The following ROBO1 variants were observed in gnomAD, a reference collection of about 807,000 sequenced individuals.
ROBO1 encodes the protein roundabout homolog 1.
A neutral mutation model predicts 195.9 loss-of-function variants in ROBO1; 149 were observed. The ratio of observed to expected loss-of-function variants is 0.76; its 90% CI spans 0.67 to 0.87. ROBO1 has a LOEUF of 0.87. Ranked by LOEUF, ROBO1 falls within the 40% of genes least tolerant of loss-of-function variation. The pLI, the probability that ROBO1 is intolerant of heterozygous loss-of-function variation, is 0.00. For missense variants in ROBO1, 1,933 were observed against 2,068.3 expected (o/e 0.93, Z 1.27); for synonymous variants, 816 against 733.2 (o/e 1.11, Z -1.82).
rs1167482550 is a variant in ROBO1, at chr3:79,412,874, A to ATTTTTTT, written c.88+176943_88+176949dup. On this transcript the variant is annotated intron_variant, in intron 2 of 30. Coordinates refer to ENST00000464233, the MANE Select transcript of ROBO1 (RefSeq NM_002941.4). ...AATGATTTTATTGCCTCATGAGCTG[A>ATTTTTTT]TTTTTTTTTTTTTTTTTTTTTTTTT... 6.4e-3 allele frequency among the ~76,000 whole-genome samples: 247 copies of ATTTTTTT among 38,334 alleles called. 32 individuals carry two copies. Among genetic ancestry groups the ATTTTTTT allele is most frequent in the Non-Finnish European group, 6.7e-3 (156 of 23,202 alleles). 25.1% of individuals were successfully genotyped at this position (38,334 alleles called of 152,430 possible).
At position 78,598,653 on chromosome 3, in the gene ROBO1, C is replaced by G. The variant is rs1702981380; in HGVS notation, c.*260G>C. ...ATGACTGAAGCAAGAAGTCAAAGCA[C>G]TTTGCTTGCTGGAAGTAAGGTATAA... On this transcript the variant is annotated 3_prime_UTR_variant, in exon 31 of 31. Transcript: ENST00000464233. 4 of 322,194 alleles carry G rather than the reference C, an allele frequency of 1.2e-5. No individual in the cohort carries two copies. The highest frequency in any genetic ancestry group is 1.7e-5 in the Non-Finnish European group (3 of 177,794). 20.0% of individuals were successfully genotyped at this position (322,194 alleles called of 1,614,324 possible). A position where few individuals can be genotyped will look rare whatever the true frequency, so the allele number is the denominator to read the frequency against.
chr3:79,325,790 A>G (rs1258668130), intron 2 of ROBO1, among the ~76,000 whole-genome samples: 1 of 152,180 alleles, frequency 6.6e-6, no homozygotes. Flanking sequence ...AAATCTGGGC[A>G]CCTTGAAAAA....
chr3:79,018,317 A>T, intron 3 of ROBO1: 1 of 1,496,584 alleles, frequency 6.7e-7, no homozygotes, highest in Non-Finnish European at 9.2e-7. Context: ...AGGGAGGGGT[A>T]ACCAAAATAC....
intron 1 of ROBO1, among the ~76,000 whole-genome samples, chr3:79,601,963 T>C (rs1376008790): frequency 6.6e-6 from 1 of 152,010 alleles, no homozygotes; most frequent in African/African-American, 2.4e-5. Flanking sequence ...TGAATAACTA[T>C]GTTTTTATAG....
chr3:78,862,662 G>A (rs1191391498), intron 4 of ROBO1, among the ~76,000 whole-genome samples: 1 of 152,160 alleles, frequency 6.6e-6, no homozygotes, highest in Admixed American at 6.5e-5. Flanking sequence ...TCCATGAAAA[G>A]TCAACAACAA....
At chr3:78,997,390 T>C (rs1437434964) in intron 3 of ROBO1, among the ~76,000 whole-genome samples, 1 of 152,148 alleles carries the variant, frequency 6.6e-6, no homozygotes, top group Non-Finnish European at 1.5e-5. Flanking sequence ...ATGATTTTGG[T>C]ATTCACCGAG....
chr3:78,808,292 C>T (rs1467710840), intron 4 of ROBO1, among the ~76,000 whole-genome samples: 1 of 152,110 alleles, frequency 6.6e-6, no homozygotes, highest in Non-Finnish European at 1.5e-5. Flanking sequence ...GCAACCTCTG[C>T]CTCCCAGATT....
At chr3:79,626,129 G>A (rs750028286) in intron 1 of ROBO1, among the ~76,000 whole-genome samples, 2 of 152,090 alleles carry the variant, frequency 1.3e-5, no homozygotes, top group East Asian at 1.9e-4. Flanking sequence ...AAAAGCCTTC[G>A]ATAAAATTCA....
intron 2 of ROBO1, among the ~76,000 whole-genome samples, chr3:79,337,885 A>T (rs2034741619): frequency 6.6e-6 from 1 of 152,166 alleles, no homozygotes; most frequent in African/African-American, 2.4e-5. Context: ...TAACCAAGAA[A>T]CACTAAAACT....
intron 5 of ROBO1, among the ~76,000 whole-genome samples, chr3:78,740,751 G>T (rs559560162): frequency 1.3e-5 from 2 of 152,224 alleles, no homozygotes; most frequent in South Asian, 4.2e-4. Flanking sequence ...GGGATTACAT[G>T]CATGAGCCAC....
At chr3:79,150,034 T>C (rs2080735818) in intron 2 of ROBO1, among the ~76,000 whole-genome samples, 1 of 151,802 alleles carries the variant, frequency 6.6e-6, no homozygotes, top group Non-Finnish European at 1.5e-5. Flanking sequence ...TGGGTCCTTG[T>C]GGAGTGTTTA....
chr3:79,405,659 A>T (rs951966297), intron 2 of ROBO1, among the ~76,000 whole-genome samples: 12 of 152,214 alleles, frequency 7.9e-5, no homozygotes, highest in African/African-American at 2.9e-4. Flanking sequence ...CACTGGATAA[A>T]AAAGGGATGA....
At chr3:79,717,294 C>T (rs981004036) in intron 1 of ROBO1, among the ~76,000 whole-genome samples, 3 of 151,862 alleles carry the variant, frequency 2.0e-5, no homozygotes, top group African/African-American at 7.3e-5. Flanking sequence ...TTATAGATAG[C>T]ATCTCTGAAT....
chr3:79,587,174 G>A (rs1943856229), intron 2 of ROBO1, among the ~76,000 whole-genome samples: 2 of 151,062 alleles, frequency 1.3e-5, no homozygotes, highest in African/African-American at 4.9e-5. Flanking sequence ...GCAATATTAT[G>A]AAACATAATA....
At chr3:79,223,768 T>C (rs1475905165) in intron 2 of ROBO1, among the ~76,000 whole-genome samples, 1 of 152,162 alleles carries the variant, frequency 6.6e-6, no homozygotes, top group Admixed American at 6.6e-5. Flanking sequence ...AGATAGGTAA[T>C]CAAGCATCAC....
intron 2 of ROBO1, among the ~76,000 whole-genome samples, chr3:79,422,659 CTTTG>C (rs768945951): frequency 2.0e-5 from 3 of 151,990 alleles, no homozygotes; most frequent in Non-Finnish European, 4.4e-5. Flanking sequence ...GAAATGAGGG[CTTTG>C]TTTAATTCCA....
intron 2 of ROBO1, among the ~76,000 whole-genome samples, chr3:79,316,950 T>G (rs2033762438): frequency 6.6e-6 from 1 of 152,152 alleles, no homozygotes; most frequent in South Asian, 2.1e-4. Flanking sequence ...AGGGGAATAA[T>G]AGTCACACAC....
At chr3:79,544,307 A>G (rs1942183580) in intron 2 of ROBO1, among the ~76,000 whole-genome samples, 1 of 151,878 alleles carries the variant, frequency 6.6e-6, no homozygotes, top group South Asian at 2.1e-4. Context: ...TTTAATTTTT[A>G]TAATAACATT....
chr3:79,503,539 G>T (rs1472644967), intron 2 of ROBO1, among the ~76,000 whole-genome samples: 1 of 152,148 alleles, frequency 6.6e-6, no homozygotes, highest in Non-Finnish European at 1.5e-5. Flanking sequence ...GCACCCTTGG[G>T]TAAGTCACTT....
Sources: gnomAD v4.1 joint callset for allele counts (sites outside exome capture counted in the v4.1 genomes callset) on GRCh38, gnomAD v4.1.1 for gene constraint, MANE v1.5 for transcripts, NCBI Gene and HGNC (gene_info 2026-07-23, HGNC 2026-07-21) for gene names.